SPON1: variants seen among roughly 807,000 people sequenced by gnomAD.
The protein encoded by SPON1 is spondin 1.
In SPON1, 52 loss-of-function variants were observed where a neutral mutation model predicts 111.7. The observed-to-expected ratio is 0.47, with a 90% CI of 0.37 to 0.59. The LOEUF (loss-of-function observed/expected upper bound fraction) is 0.59, where lower values mean the gene tolerates loss of function less well. Ranked by LOEUF, SPON1 falls within the 20% of genes least tolerant of loss-of-function variation. The probability of loss-of-function intolerance (pLI) is 0.00; values close to 1 mark genes in which losing one functional copy is unlikely to be tolerated. For synonymous variants in SPON1, 410 were observed against 395.8 expected, an observed-to-expected ratio of 1.04 and a Z score of -0.43; for missense variants, 957 against 1,068.5, an observed-to-expected ratio of 0.90 and a Z score of 1.46.
intron 1 of SPON1, among the ~76,000 whole-genome samples, chr11:13,968,937 C>A (rs1848040837): frequency 6.6e-6 from 1 of 152,114 alleles, no homozygotes; most frequent in Non-Finnish European, 1.5e-5. Context: ...AAAGATGAAA[C>A]AAAGTAAATT....
chr11:14,048,311 A>G (rs1554918069), intron 3 of SPON1, among the ~76,000 whole-genome samples: 1 of 152,214 alleles, frequency 6.6e-6, no homozygotes. Flanking sequence ...AGAGGGGGAT[A>G]CCAACTGTGC....
chr11:13,987,770 G>A (rs1428452679), intron 2 of SPON1, among the ~76,000 whole-genome samples: 1 of 152,158 alleles, frequency 6.6e-6, no homozygotes, highest in Non-Finnish European at 1.5e-5. Flanking sequence ...TTCTGCATAT[G>A]GCTAGCCATT....
At chr11:14,089,733 G>A (rs1217710747) in intron 5 of SPON1, among the ~76,000 whole-genome samples, 3 of 152,162 alleles carry the variant, frequency 2.0e-5, no homozygotes, top group African/African-American at 2.4e-5. Flanking sequence ...GTTTAAATCC[G>A]CTGAAGCTGG....
intron 6 of SPON1, among the ~76,000 whole-genome samples, chr11:14,161,073 TTTTTATATATTTATATATATCTATATA>T (rs1554931185): frequency 1.1e-4 from 3 of 26,410 alleles, no homozygotes; most frequent in East Asian, 1.7e-3. Context: ...ATATCTATAA[TTTTTATATATTTATATATATCTATATA>T]TTTTATATAT....
rs151237417 is a variant in SPON1 at position 14,211,763 on chromosome 11, T to G, written c.826-31569T>G. Among the ~76,000 whole-genome samples, 773 of 152,318 alleles carry G rather than the reference T, an allele frequency of 5.1e-3. 8 individuals carry two copies. Among genetic ancestry groups the G allele is most frequent in the African/African-American group, 0.018 (746 of 41,572 alleles). On this transcript the variant is annotated intron_variant, in intron 6 of 15. Transcript: ENST00000576479. ...CATAGTAATGCTACTGACCTTTGAATTTTAATACCAAACTGTCCTCTTTCT... is the reference window on the plus strand; with the variant it reads ...CATAGTAATGCTACTGACCTTTGAAGTTTAATACCAAACTGTCCTCTTTCT...
rs1554917647 is a variant in SPON1 at position 14,044,506 on chromosome 11, G to A, written c.479+2852G>A. Among the ~76,000 whole-genome samples, 3 of 152,176 alleles carry A rather than the reference G, an allele frequency of 2.0e-5. No individual in the cohort carries two copies. In the East Asian group the frequency reaches 5.8e-4, roughly 29 times the overall value. On this transcript the variant is annotated intron_variant, in intron 3 of 15. Transcript: ENST00000576479. ...GCGCACCTGTAGTCCCAGATACTCG[G>A]GAGGCTGAGGCAGGAGAATAACTTG...
chr11:14,253,734 C>T (rs1165085342), intron 7 of SPON1, among the ~76,000 whole-genome samples: 1 of 152,248 alleles, frequency 6.6e-6, no homozygotes, highest in Non-Finnish European at 1.5e-5. Flanking sequence ...CCCCTCCTAG[C>T]TGTGTCTATT....
At chr11:14,162,452 T>C (rs1591395330) in intron 6 of SPON1, among the ~76,000 whole-genome samples, 1 of 152,180 alleles carries the variant, frequency 6.6e-6, no homozygotes, top group Admixed American at 6.5e-5. Flanking sequence ...ATCAGAAATA[T>C]AAATCATGCC....
At chr11:13,976,456 G>T (rs931844454) in intron 1 of SPON1, among the ~76,000 whole-genome samples, 10 of 152,140 alleles carry the variant, frequency 6.6e-5, no homozygotes, top group African/African-American at 2.4e-4. Flanking sequence ...AAATTATACT[G>T]TGTAACAACA....
At chr11:14,058,582 G>C (rs192435030) in intron 3 of SPON1, among the ~76,000 whole-genome samples, 1 of 152,152 alleles carries the variant, frequency 6.6e-6, no homozygotes, top group Non-Finnish European at 1.5e-5. Flanking sequence ...CAAGCAGGTG[G>C]AGCAAGGAGG....
chr11:14,138,086 A>C (rs10741634), intron 6 of SPON1, among the ~76,000 whole-genome samples: 59,347 of 151,756 alleles, frequency 0.39, 11,776 homozygotes, highest in East Asian at 0.54. Flanking sequence ...GCAAACTAAC[A>C]CAGTGTTCTC....
chr11:14,188,282 T>C (rs1848308776), intron 6 of SPON1, among the ~76,000 whole-genome samples: 2 of 152,118 alleles, frequency 1.3e-5, no homozygotes, highest in East Asian at 1.9e-4. Flanking sequence ...TTTAAGATGG[T>C]TATAAACATG....
intron 5 of SPON1, among the ~76,000 whole-genome samples, chr11:14,127,138 A>G (rs1272130679): frequency 6.6e-6 from 1 of 152,132 alleles, no homozygotes; most frequent in Non-Finnish European, 1.5e-5. Context: ...GCCAGCCACT[A>G]GTCACTATTT....
chr11:14,222,667 G>A (rs1848693486), intron 6 of SPON1, among the ~76,000 whole-genome samples: 1 of 152,104 alleles, frequency 6.6e-6, no homozygotes, highest in African/African-American at 2.4e-5. Context: ...CATCAGGTCG[G>A]AAAAATACCT....
At chr11:14,049,417 T>C (rs1485299679) in intron 3 of SPON1, among the ~76,000 whole-genome samples, 2 of 152,224 alleles carry the variant, frequency 1.3e-5, no homozygotes, top group Admixed American at 6.5e-5. Context: ...CAGGCCCATC[T>C]GAGTCACACC....
chr11:14,153,449 C>T (rs1847809684), intron 6 of SPON1, among the ~76,000 whole-genome samples: 1 of 152,130 alleles, frequency 6.6e-6, no homozygotes, highest in African/African-American at 2.4e-5. Flanking sequence ...AGGAAGAGAG[C>T]AGGGAGGGCC....
At chr11:14,165,948 G>T (rs1848024695) in intron 6 of SPON1, among the ~76,000 whole-genome samples, 1 of 152,214 alleles carries the variant, frequency 6.6e-6, no homozygotes, top group African/African-American at 2.4e-5. Context: ...CCAGGCATGG[G>T]TTTGTATCCT....
At chr11:13,980,716 A>G (rs1263024601) in intron 1 of SPON1, among the ~76,000 whole-genome samples, 1 of 152,198 alleles carries the variant, frequency 6.6e-6, no homozygotes, top group Non-Finnish European at 1.5e-5. Context: ...CACAAATATT[A>G]TATGTCAAAT....
At chr11:14,225,950 A>G (rs977669521) in intron 6 of SPON1, among the ~76,000 whole-genome samples, 9 of 152,240 alleles carry the variant, frequency 5.9e-5, no homozygotes, top group Admixed American at 1.3e-4. Flanking sequence ...CATTGTATGC[A>G]TCATCGGGCC....
Sources: allele counts gnomAD v4.1 joint callset (sites outside exome capture counted in the v4.1 genomes callset), GRCh38; gene constraint gnomAD v4.1.1; transcripts MANE v1.5; gene names NCBI Gene and HGNC (gene_info 2026-07-23, HGNC 2026-07-21).